The following OXR1 variants were observed in gnomAD, a reference collection of about 807,000 sequenced individuals.
OXR1 encodes oxidation resistance 1.
In OXR1, 41 loss-of-function variants were observed where a neutral mutation model predicts 104.6. That is an observed-to-expected ratio of 0.39 (90% CI 0.31 to 0.51). The LOEUF is 0.51. OXR1 is among the 20% of genes least tolerant of loss of function. The pLI is 0.77. For missense variants in OXR1, 955 were observed against 1,031.9 expected (o/e 0.93, Z 1.02); for synonymous variants, 348 against 348.4 (o/e 1.00, Z 0.01).
At chr8:106,748,152 T>C (rs1316727823) in intron 16 of OXR1, among the ~76,000 whole-genome samples, 2 of 152,244 alleles carry the variant, frequency 1.3e-5, no homozygotes, top group Non-Finnish European at 2.9e-5. Flanking sequence ...TTAATTCAAA[T>C]GCGTTTCTAA....
chr8:106,619,342 AATTT>A (rs984488476), intron 3 of OXR1, among the ~76,000 whole-genome samples: 162 of 152,176 alleles, frequency 1.1e-3, no homozygotes, highest in African/African-American at 3.6e-3. Flanking sequence ...ATCATAAGAC[AATTT>A]ATTTATGAAA....
At chr8:106,381,854 T>G (rs1227275373) in intron 2 of OXR1, among the ~76,000 whole-genome samples, 1 of 152,164 alleles carries the variant, frequency 6.6e-6, no homozygotes, top group Admixed American at 6.5e-5. Flanking sequence ...ATTCAGTATT[T>G]TAGTGGCTTA....
chr8:106,575,985 A>AACACACACACACAC (rs35038334), intron 3 of OXR1, among the ~76,000 whole-genome samples: 434 of 144,400 alleles, frequency 3.0e-3, no homozygotes, highest in Non-Finnish European at 4.8e-3. Flanking sequence ...AAATGTTTAT[A>AACACACACACACAC]ACACACACAC....
chr8:106,382,644 C>A (rs1194359300), intron 2 of OXR1, among the ~76,000 whole-genome samples: 1 of 115,182 alleles, frequency 8.7e-6, no homozygotes, highest in Non-Finnish European at 1.8e-5. Flanking sequence ...CCGGTATTTT[C>A]TTTTCTAAAG....
At chr8:106,380,881 G>A (rs535755040) in intron 2 of OXR1, among the ~76,000 whole-genome samples, 13 of 152,180 alleles carry the variant, frequency 8.5e-5, no homozygotes, top group Non-Finnish European at 1.9e-4. Flanking sequence ...TGATTTCATA[G>A]AAGTTTTTTG....
chr8:106,459,036 G>A (rs1820764125), intron 2 of OXR1, among the ~76,000 whole-genome samples: 1 of 152,082 alleles, frequency 6.6e-6, no homozygotes, highest in Non-Finnish European at 1.5e-5. Context: ...AATGAGTTAA[G>A]ACTTTTGGGA....
At chr8:106,408,264 A>G (rs1043000033) in intron 2 of OXR1, among the ~76,000 whole-genome samples, 8 of 152,004 alleles carry the variant, frequency 5.3e-5, no homozygotes, top group Non-Finnish European at 1.0e-4. Flanking sequence ...TGAGATGAAC[A>G]TTTTAGGACA....
intron 1 of OXR1, among the ~76,000 whole-genome samples, chr8:106,336,238 A>C (rs10107738): frequency 0.31 from 47,817 of 152,130 alleles, 10,045 homozygotes; most frequent in African/African-American, 0.6. Flanking sequence ...GGCAAAGTAT[A>C]CGTTGTCAGT....
At chr8:106,363,937 CT>C (rs556553295) in intron 2 of OXR1, among the ~76,000 whole-genome samples, 9 of 148,602 alleles carry the variant, frequency 6.1e-5, no homozygotes, top group South Asian at 2.1e-4. Flanking sequence ...AATTCATCTT[CT>C]TTTTTTTTTC....
At chr8:106,377,929 T>C (rs532104846) in intron 2 of OXR1, among the ~76,000 whole-genome samples, 1 of 152,318 alleles carries the variant, frequency 6.6e-6, no homozygotes, top group South Asian at 2.1e-4. Flanking sequence ...TTTGACCTAG[T>C]GTAGTATAGG....
intron 3 of OXR1, among the ~76,000 whole-genome samples, chr8:106,601,637 G>A (rs921288760): frequency 6.6e-6 from 1 of 152,090 alleles, no homozygotes; most frequent in Non-Finnish European, 1.5e-5. Context: ...TGAATTCTGG[G>A]GAGTCACAAA....
At chr8:106,514,733 T>G (rs1006987893) in intron 2 of OXR1, among the ~76,000 whole-genome samples, 9 of 152,140 alleles carry the variant, frequency 5.9e-5, no homozygotes, top group African/African-American at 2.2e-4. Context: ...AATATGAGAC[T>G]TTAGATCAAT....
At chr8:106,640,164 A>G (rs1227858163) in intron 3 of OXR1, among the ~76,000 whole-genome samples, 3 of 152,152 alleles carry the variant, frequency 2.0e-5, no homozygotes, top group Non-Finnish European at 4.4e-5. Context: ...ATACTTTCAC[A>G]TATTTTATCT....
chr8:106,636,887 G>A (rs913105743), intron 3 of OXR1, among the ~76,000 whole-genome samples: 7 of 152,146 alleles, frequency 4.6e-5, no homozygotes, highest in Non-Finnish European at 1.0e-4. Context: ...ATTCTTAGAT[G>A]TGTATGATTT....
intron 2 of OXR1, among the ~76,000 whole-genome samples, chr8:106,498,253 T>C (rs1287970220): frequency 6.6e-6 from 1 of 152,322 alleles, no homozygotes; most frequent in African/African-American, 2.4e-5. Context: ...ACCAAACATT[T>C]TTCTCAAATG....
intron 2 of OXR1, among the ~76,000 whole-genome samples, chr8:106,473,176 C>A (rs552694747): frequency 1.3e-5 from 2 of 151,892 alleles, no homozygotes; most frequent in African/African-American, 4.8e-5. Flanking sequence ...GATAAAATGA[C>A]CACTCAAGTG....
At chr8:106,615,412 A>G (rs1586901497) in intron 3 of OXR1, among the ~76,000 whole-genome samples, 1 of 151,922 alleles carries the variant, frequency 6.6e-6, no homozygotes, top group East Asian at 1.9e-4. Flanking sequence ...AGCCTGGGCA[A>G]CAGAGTAAGA....
intron 2 of OXR1, among the ~76,000 whole-genome samples, chr8:106,394,422 A>G (rs10108280): frequency 0.015 from 2,246 of 152,086 alleles, 57 homozygotes; most frequent in African/African-American, 0.052. Context: ...TATCCACACC[A>G]ACACCTGTGC....
intron 11 of OXR1, among the ~76,000 whole-genome samples, chr8:106,734,117 G>A (rs773094905): frequency 3.4e-4 from 52 of 151,544 alleles, no homozygotes; most frequent in Non-Finnish European, 5.6e-4. Flanking sequence ...CACCAGGCCC[G>A]GCTAATTTTT....
Sources: allele counts gnomAD v4.1 joint callset (sites outside exome capture counted in the v4.1 genomes callset), GRCh38; gene constraint gnomAD v4.1.1; transcripts MANE v1.5; gene names NCBI Gene and HGNC (gene_info 2026-07-23, HGNC 2026-07-21).